The following NDST1 variants were observed in gnomAD, a reference collection of about 807,000 sequenced individuals.
The protein encoded by NDST1 is N-deacetylase and N-sulfotransferase 1, also known as bifunctional heparan sulfate N-deacetylase/N-sulfotransferase 1.
Under a neutral mutation model 92.8 loss-of-function variants are expected in NDST1, and 35 were observed. The ratio of observed to expected loss-of-function variants is 0.38; its 90% confidence interval spans 0.29 to 0.50. The LOEUF (loss-of-function observed/expected upper bound fraction) is 0.50, where lower values mean the gene tolerates loss of function less well. Ranked by LOEUF, NDST1 falls within the 20% of genes least tolerant of loss-of-function variation. The pLI is 0.94. For synonymous variants in NDST1, 493 were observed against 500.3 expected (o/e 0.99, Z 0.19); for missense variants, 822 against 1,182.7 (o/e 0.69, Z 4.47).
chr5:150,545,450 C>T lies in NDST1; in HGVS notation c.2109C>T (p.Leu703=). The T allele has an allele frequency of 1.2e-6, 2 of 1,614,250 alleles. No homozygotes were observed. The highest frequency in any genetic ancestry group is 1.3e-5 in the African/African-American group (1 of 75,074). ...LLPKAKVLTI[L]INPADRAYSW... ...CCAAAGCCAAGGTCCTGACCATCCT[C>T]ATCAACCCCGCGGACCGGGCCTATT... is the stretch of plus-strand genomic sequence containing the variant. The change falls in exon 11 of 15, where the codon CTC becomes CTT. Residue 703 remains leucine, a synonymous_variant. Transcript: ENST00000261797.
chr5:150,506,097 G>A (rs1251360002), upstream of NDST1, among the ~76,000 whole-genome samples: 5 of 152,310 alleles, frequency 3.3e-5, no homozygotes, highest in East Asian at 9.6e-4. Context: ...CTGTGTGCTT[G>A]CACATTGTGG....
chr5:150,513,881 T>A (rs1753839319), intron 1 of NDST1, among the ~76,000 whole-genome samples: 1 of 152,212 alleles, frequency 6.6e-6, no homozygotes, highest in Non-Finnish European at 1.5e-5. Flanking sequence ...TGACTTCAAC[T>A]CCAGAGCAGT....
intron 11 of NDST1, among the ~76,000 whole-genome samples, chr5:150,546,059 C>T (rs545018505): frequency 6.9e-6 from 1 of 145,742 alleles, no homozygotes; most frequent in African/African-American, 2.5e-5. Context: ...GTGCAGTGGC[C>T]TGATCTCAAC....
At chr5:150,537,643 G>A (rs1004780763) in intron 6 of NDST1, among the ~76,000 whole-genome samples, 3 of 152,066 alleles carry the variant, frequency 2.0e-5, no homozygotes, top group East Asian at 1.9e-4. Flanking sequence ...TTTTAATTTC[G>A]CCCCGTCCTG....
At chr5:150,509,265 C>T (rs1385078274) in intron 1 of NDST1, among the ~76,000 whole-genome samples, 2 of 152,172 alleles carry the variant, frequency 1.3e-5, no homozygotes, top group African/African-American at 2.4e-5. Context: ...TTTCCCAGCT[C>T]CTCTGCAGGG....
At position 150,526,609 on chromosome 5, in the gene NDST1, A is replaced by G. The variant is rs76426794; in HGVS notation, c.514-1195A>G. Among the ~76,000 whole-genome samples, 1,666 of 152,188 alleles carry G rather than the reference A, an allele frequency of 0.011. 94 individuals are homozygous for G. The East Asian group carries it at 0.15, about 14-fold the overall frequency. ...CCTTAAGGGGTTGCAGGCTGGTGGG[A>G]GATAGAACGCTGAAAATATAATATT... is the stretch of plus-strand genomic sequence containing the variant. On this transcript the variant is annotated intron_variant, in intron 2 of 14. Coordinates refer to ENST00000261797, the MANE Select transcript of NDST1 (RefSeq NM_001543.5).
intron 1 of NDST1, among the ~76,000 whole-genome samples, chr5:150,502,264 G>T (rs1250188348): frequency 6.6e-6 from 1 of 152,144 alleles, no homozygotes; most frequent in African/African-American, 2.4e-5. Flanking sequence ...TCAGTGGTGG[G>T]TGGGGACGGC....
chr5:150,530,224 C>A (rs570911159), intron 3 of NDST1, among the ~76,000 whole-genome samples: 6 of 152,194 alleles, frequency 3.9e-5, no homozygotes, highest in Admixed American at 1.3e-4. Flanking sequence ...TGCTGCTTTG[C>A]GCTGCTTTTA....
chr5:150,540,062 C>T lies in NDST1; in HGVS notation c.1567-20C>T. On this transcript the variant is annotated intron_variant, in intron 7 of 14. Transcript: ENST00000261797. Reference sequence around the variant, plus strand: ...AGACACTGATGGGCCCTGCCTCTCTCCTCCCCTCCCCTGGAGCAGATCAGC... The same window carrying T: ...AGACACTGATGGGCCCTGCCTCTCTTCTCCCCTCCCCTGGAGCAGATCAGC... 2 of 1,613,960 alleles carry T rather than the reference C, an allele frequency of 1.2e-6. No homozygotes were observed. The highest frequency in any genetic ancestry group is 1.7e-6 in the Non-Finnish European group (2 of 1,179,856).
chr5:150,534,201 A>G (rs1198740843), intron 4 of NDST1, among the ~76,000 whole-genome samples: 3 of 151,592 alleles, frequency 2.0e-5, no homozygotes, highest in East Asian at 1.9e-4. Context: ...GGATCAAGCA[A>G]TCCTCCTGCC....
intron 1 of NDST1, among the ~76,000 whole-genome samples, chr5:150,515,495 G>A (rs1753915703): frequency 6.6e-6 from 1 of 152,226 alleles, no homozygotes; most frequent in South Asian, 2.1e-4. Flanking sequence ...ACTTAGGAGT[G>A]GGAGAGGGGG....
Position 150,556,054 on chromosome 5 carries a change from G to A in NDST1, c.*2722G>A, listed in dbSNP as rs552241772. On this transcript the variant is annotated 3_prime_UTR_variant, in exon 15 of 15. Transcript: ENST00000261797. ...TGCCTGGGGGGCTGTTAGCTAATGG[G>A]TACAAGGACACCCCCTCCCGAGAAG... is the stretch of plus-strand genomic sequence containing the variant. The A allele has an allele frequency of 6.6e-6, 1 of 152,342 alleles. No homozygotes were observed. Among genetic ancestry groups the A allele is most frequent in the African/African-American group, 2.4e-5 (1 of 41,420 alleles). The allele number at this position is 152,342 out of a possible 1,614,324, so 9.4% of individuals were successfully genotyped here. A position where few individuals can be genotyped will look rare whatever the true frequency, so the allele number is the denominator to read the frequency against.
intron 4 of NDST1, among the ~76,000 whole-genome samples, chr5:150,534,559 C>G (rs1754897176): frequency 6.6e-6 from 1 of 152,192 alleles, no homozygotes; most frequent in Non-Finnish European, 1.5e-5. Flanking sequence ...AGAATCAGAG[C>G]AGGTATGTCA....
In NDST1 at chr5:150,554,729, C is replaced by T. The variant is rs1451556711; in HGVS notation, c.*1397C>T. ...AAAAGCTGCCCCACCCACTCTCCCT[C>T]ACATGGTGCTAGGCTGGGAGCTGCC... On this transcript the variant is annotated 3_prime_UTR_variant, in exon 15 of 15. Transcript: ENST00000261797. 6.5e-6 allele frequency: 1 copy of T among 152,834 alleles called. No individual in the cohort carries two copies. Among genetic ancestry groups the T allele is most frequent in the African/African-American group, 2.4e-5 (1 of 41,458 alleles). The allele number at this position is 152,834 out of a possible 1,614,324, so 9.5% of individuals were successfully genotyped here. A position where few individuals can be genotyped will look rare whatever the true frequency, so the allele number is the denominator to read the frequency against.
chr5:150,521,686 T>A lies in NDST1; in HGVS notation c.432T>A (p.Tyr144Ter). 1 of 1,614,080 alleles carries A rather than the reference T, an allele frequency of 6.2e-7. No individual in the cohort carries two copies. Among genetic ancestry groups the A allele is most frequent in the South Asian group, 1.1e-5 (1 of 91,082 alleles). Residue 144 changes from tyrosine (Y) to a stop codon, truncating the protein, a stop_gained, in exon 2 of 15, where the codon TAT (tyrosine) becomes TAA (stop). Transcript: ENST00000261797. LOFTEE classifies it high-confidence loss of function. The surrounding 1 kb of genome is among the most constrained non-coding windows in gnomAD (Gnocchi z 5.9). Reference protein sequence around the residue: ...ALIIYENILKYVNLDAWNREL... With the variant: ...ALIIYENILK ...TCATCTATGAGAACATCCTCAAGTA[T>A]GTCAACCTGGACGCCTGGAACCGGG...
Position 150,545,329 on chromosome 5 carries a change from C to T in NDST1, c.1988C>T (p.Pro663Leu). The change falls in exon 11 of 15, where the codon CCC becomes CTC. Residue 663 changes from proline (P) to leucine (L), a missense_variant. Physicochemically the swap from Pro to Leu is moderately conservative, Grantham distance 98 (BLOSUM62 -3). Transcript: ENST00000261797. ...TCCTGCAGGTACATGGAGTTCTTCC[C>T]CATCCCTTCCAACACCACCTCCGAC... Reference protein sequence around the residue: ...KGIDWYMEFFPIPSNTTSDFY... With the variant: ...KGIDWYMEFFLIPSNTTSDFY... The T allele has an allele frequency of 3.7e-6, 6 of 1,614,232 alleles. No individual in the cohort carries two copies. The highest frequency in any genetic ancestry group is 5.1e-6 in the Non-Finnish European group (6 of 1,180,034).
intron 8 of NDST1, 84 bp downstream of exon 8, chr5:150,540,348 G>A: frequency 7.1e-7 from 1 of 1,415,426 alleles, no homozygotes; most frequent in Non-Finnish European, 9.6e-7. Context: ...ATGGACTCAA[G>A]GCTCAGCCAT....
chr5:150,546,690 C>T (rs563396357), intron 11 of NDST1, among the ~76,000 whole-genome samples: 2 of 152,250 alleles, frequency 1.3e-5, no homozygotes, highest in African/African-American at 4.8e-5. Flanking sequence ...TCAGATGTGA[C>T]AGTGGCTGTC....
chr5:150,530,977 C>G (rs1185944071), intron 3 of NDST1, among the ~76,000 whole-genome samples: 1 of 152,072 alleles, frequency 6.6e-6, no homozygotes, highest in Non-Finnish European at 1.5e-5. Flanking sequence ...CACCCTCTTT[C>G]ACACACTCAG....
Sources: gnomAD v4.1 joint callset for allele counts (sites outside exome capture counted in the v4.1 genomes callset) on GRCh38, gnomAD v4.1.1 for gene constraint, Gnocchi (gnomAD v3.1) non-coding constraint, MANE v1.5 for transcripts, NCBI Gene and HGNC (gene_info 2026-07-23, HGNC 2026-07-21) for gene names.